The following CPXM2 variants were observed in gnomAD, a reference collection of about 807,000 sequenced individuals.
CPXM2 encodes the protein inactive carboxypeptidase-like protein X2.
CPXM2 carries 66 observed loss-of-function variants against 86.1 expected under a neutral mutation model. The ratio of observed to expected loss-of-function variants is 0.77; its 90% CI spans 0.63 to 0.94. CPXM2 has a LOEUF of 0.94. Ranked by LOEUF, CPXM2 falls within the 40% of genes least tolerant of loss-of-function variation. CPXM2 has a pLI of 0.00. For missense variants in CPXM2, 948 were observed against 1,026.3 expected (o/e 0.92, Z 1.04); for synonymous variants, 388 against 400.2 (o/e 0.97, Z 0.36).
intron 2 of CPXM2, among the ~76,000 whole-genome samples, chr10:123,932,006 A>G (rs1945670176): frequency 1.3e-5 from 2 of 152,220 alleles, no homozygotes; most frequent in Admixed American, 1.3e-4. Context: ...ACAGAGTATA[A>G]GTCTGAGTGG....
intron 13 of CPXM2, chr10:123,750,318 G>A (rs1379481390): frequency 2.0e-5 from 20 of 983,450 alleles, no homozygotes; most frequent in Non-Finnish European, 2.3e-5. Flanking sequence ...CGCAGGTCCT[G>A]GGGGCCCCTT....
chr10:123,750,619 A>C (rs1201881751), intron 13 of CPXM2: 1 of 958,232 alleles, frequency 1.0e-6, no homozygotes, highest in East Asian at 1.1e-4. Flanking sequence ...GGTCTCCTTC[A>C]CTAGAATGTG....
intron 7 of CPXM2, among the ~76,000 whole-genome samples, chr10:123,779,603 T>C (rs1846886431): frequency 6.6e-6 from 1 of 152,158 alleles, no homozygotes; most frequent in Non-Finnish European, 1.5e-5. Context: ...CAATTATCAG[T>C]AGCTTCACAA....
chr10:123,927,474 T>A (rs1044113662), intron 2 of CPXM2, among the ~76,000 whole-genome samples: 1 of 152,172 alleles, frequency 6.6e-6, no homozygotes, highest in African/African-American at 2.4e-5. Flanking sequence ...TTTAACTCAT[T>A]TAATCCTCCC....
At chr10:123,770,277 A>C (rs1293364654) in intron 8 of CPXM2, among the ~76,000 whole-genome samples, 1 of 152,200 alleles carries the variant, frequency 6.6e-6, no homozygotes, top group Non-Finnish European at 1.5e-5. Flanking sequence ...TCCATCTCAA[A>C]AAACAAACAA....
intron 1 of CPXM2, among the ~76,000 whole-genome samples, chr10:123,883,731 C>T (rs993356780): frequency 2.0e-5 from 3 of 152,128 alleles, no homozygotes; most frequent in East Asian, 1.9e-4. Flanking sequence ...CCCAAGGTCA[C>T]GGACAGAGCA....
At chr10:123,800,176 AT>A (rs955311250) in intron 4 of CPXM2, among the ~76,000 whole-genome samples, 3 of 151,794 alleles carry the variant, frequency 2.0e-5, no homozygotes, top group African/African-American at 7.3e-5. Flanking sequence ...AGTAGAGTTT[AT>A]TTCAAAAGAA....
At position 123,761,961 on chromosome 10, in the gene CPXM2, G is replaced by C. The variant is rs1253418408; in HGVS notation, c.1688C>G (p.Thr563Arg). The change falls in exon 11 of 14, where the codon ACA becomes AGA. Residue 563 changes from threonine (T) to arginine (R), a missense_variant. Coordinates refer to ENST00000241305, the MANE Select transcript of CPXM2 (RefSeq NM_198148.3). ...YSYASTHRLM[T>R]DARRRVCHTE... ...GTGGCACACCCTCCTCCGGGCGTCT[G>C]TCATGAGGCGGTGTGTGGAGGCATA... 3.1e-6 allele frequency: 5 copies of C among 1,613,898 alleles called. No individual in the cohort carries two copies. The highest frequency in any genetic ancestry group is 4.2e-6 in the Non-Finnish European group (5 of 1,179,886).
intron 4 of CPXM2, among the ~76,000 whole-genome samples, chr10:123,803,972 G>T (rs1847523004): frequency 6.6e-6 from 1 of 152,080 alleles, no homozygotes; most frequent in African/African-American, 2.4e-5. Flanking sequence ...AAGATACATG[G>T]TTTTCTATAT....
chr10:123,833,437 G>T (rs1291331125), intron 4 of CPXM2, among the ~76,000 whole-genome samples: 1 of 152,164 alleles, frequency 6.6e-6, no homozygotes, highest in African/African-American at 2.4e-5. Flanking sequence ...GGCCTTTCCT[G>T]GGTGCCCTCT....
intron 2 of CPXM2, among the ~76,000 whole-genome samples, chr10:123,916,673 G>A (rs1487840219): frequency 6.6e-6 from 1 of 152,124 alleles, no homozygotes; most frequent in Non-Finnish European, 1.5e-5. Context: ...GCAAACATCA[G>A]GCATCAAATT....
chr10:123,822,292 ATACTAGCATATAAGCCACTCTT>A (rs1160239972), intron 4 of CPXM2, among the ~76,000 whole-genome samples: 1 of 152,142 alleles, frequency 6.6e-6, no homozygotes, highest in Non-Finnish European at 1.5e-5. Context: ...AATCTTTCTC[ATACTAGCATATAAGCCACTCTT>A]TCTCTTCACC....
intron 2 of CPXM2, among the ~76,000 whole-genome samples, chr10:123,864,656 C>G (rs1848938581): frequency 6.6e-6 from 1 of 152,164 alleles, no homozygotes; most frequent in African/African-American, 2.4e-5. Flanking sequence ...TTTATACACT[C>G]TAAGTGAGAG....
intron 2 of CPXM2, among the ~76,000 whole-genome samples, chr10:123,878,342 A>T (rs1407502421): frequency 2.2e-5 from 3 of 134,522 alleles, no homozygotes; most frequent in African/African-American, 5.7e-5. Flanking sequence ...GAAGTTTCAC[A>T]GGCTAAAATC....
At chr10:123,863,385 C>G (rs140783610) in intron 2 of CPXM2, among the ~76,000 whole-genome samples, 1 of 152,144 alleles carries the variant, frequency 6.6e-6, no homozygotes, top group Non-Finnish European at 1.5e-5. Context: ...GGCCATGCAG[C>G]GAGAGGGGGC....
intron 13 of CPXM2, among the ~76,000 whole-genome samples, chr10:123,752,822 C>G (rs1846109262): frequency 6.6e-6 from 1 of 152,178 alleles, no homozygotes; most frequent in East Asian, 1.9e-4. Context: ...TATCGAGCAT[C>G]CACTGCTCAG....
chr10:123,746,658 T>C lies in CPXM2; in HGVS notation c.*106A>G. ...ACAATGCACCCTCTCTTCCAGGCAC[T>C]TCTTGAATTACAGAGGAAACAACAG... On this transcript the variant is annotated 3_prime_UTR_variant, in exon 14 of 14. Coordinates refer to ENST00000241305, the MANE Select transcript of CPXM2 (RefSeq NM_198148.3). 8.9e-7 allele frequency: 1 copy of C among 1,126,240 alleles called. No individual in the cohort carries two copies. The highest frequency in any genetic ancestry group is 1.3e-6 in the Non-Finnish European group (1 of 779,656). 69.8% of individuals were successfully genotyped at this position (1,126,240 alleles called of 1,614,324 possible).
chr10:123,803,652 T>G (rs1204922667), intron 4 of CPXM2, among the ~76,000 whole-genome samples: 1 of 152,044 alleles, frequency 6.6e-6, no homozygotes, highest in Non-Finnish European at 1.5e-5. Flanking sequence ...GGTTTTCTTC[T>G]GTTTTTTGTT....
chr10:123,923,710 C>T (rs1436031466), intron 2 of CPXM2, among the ~76,000 whole-genome samples: 3 of 152,232 alleles, frequency 2.0e-5, no homozygotes, highest in Admixed American at 6.5e-5. Flanking sequence ...TTCCCTCATG[C>T]TGTGGGAAGG....
Sources: allele counts gnomAD v4.1 joint callset (sites outside exome capture counted in the v4.1 genomes callset), GRCh38; gene constraint gnomAD v4.1.1; transcripts MANE v1.5; gene names NCBI Gene and HGNC (gene_info 2026-07-23, HGNC 2026-07-21).